Variants in CDC73 observed in about 807,000 individuals in gnomAD.
CDC73 encodes the protein cell division cycle 73.
A neutral mutation model predicts 83.7 loss-of-function variants in CDC73; 21 were observed. That is an observed-to-expected ratio of 0.25 (90% CI 0.18 to 0.36). CDC73 has a LOEUF of 0.36. Ranked by LOEUF, CDC73 falls within the 10% of genes least tolerant of loss-of-function variation. The pLI, the probability that CDC73 is intolerant of heterozygous loss-of-function variation, is 1.00. For synonymous variants in CDC73, 224 were observed against 212.9 expected (o/e 1.05, Z -0.45); for missense variants, 342 against 653.3 (o/e 0.52, Z 5.19).
intron 13 of CDC73, among the ~76,000 whole-genome samples, chr1:193,224,460 C>T (rs1332137441): frequency 1.3e-5 from 2 of 149,992 alleles, no homozygotes; most frequent in Middle Eastern, 3.6e-3. Flanking sequence ...TTCACATATG[C>T]ACATACGAAA....
At chr1:193,242,258 A>G (rs995836706) in intron 15 of CDC73, among the ~76,000 whole-genome samples, 18 of 152,286 alleles carry the variant, frequency 1.2e-4, no homozygotes, top group African/African-American at 4.3e-4. Context: ...GGACCCAAGC[A>G]TGAACCTCCT....
At chr1:193,207,135 G>T (rs1677201069) in intron 11 of CDC73, among the ~76,000 whole-genome samples, 1 of 152,144 alleles carries the variant, frequency 6.6e-6, no homozygotes, top group Non-Finnish European at 1.5e-5. Context: ...ATATTGGTAG[G>T]TCTGTGATGT....
chr1:193,238,691 A>G (rs1463605496), intron 15 of CDC73, among the ~76,000 whole-genome samples: 1 of 152,232 alleles, frequency 6.6e-6, no homozygotes, highest in African/African-American at 2.4e-5. Context: ...TAAACAGTCG[A>G]TTAACAAATA....
chr1:193,210,332 T>C (rs551331049), intron 11 of CDC73, among the ~76,000 whole-genome samples: 14 of 152,360 alleles, frequency 9.2e-5, no homozygotes, highest in African/African-American at 2.9e-4. Flanking sequence ...TGCTGTGTTA[T>C]TCACTTTAAA....
At chr1:193,126,791 A>T (rs1390693483) in intron 2 of CDC73, among the ~76,000 whole-genome samples, 3 of 152,184 alleles carry the variant, frequency 2.0e-5, no homozygotes, top group Non-Finnish European at 4.4e-5. Context: ...TTCTTAAAAC[A>T]ATTTTTTAAA....
At chr1:193,234,383 C>G (rs1391124504) in intron 14 of CDC73, among the ~76,000 whole-genome samples, 1 of 101,608 alleles carries the variant, frequency 9.8e-6, no homozygotes. Flanking sequence ...TTCTCTGGTA[C>G]CTAATAGATA....
intron 10 of CDC73, among the ~76,000 whole-genome samples, chr1:193,154,338 A>G (rs1025205324): frequency 3.9e-5 from 6 of 152,230 alleles, no homozygotes; most frequent in African/African-American, 1.4e-4. Context: ...TGCAAGTAGT[A>G]AAATCTGTGA....
intron 13 of CDC73, among the ~76,000 whole-genome samples, chr1:193,224,448 C>T (rs1677528311): frequency 6.6e-6 from 1 of 150,482 alleles, no homozygotes; most frequent in African/African-American, 2.5e-5. Context: ...ATGAAATATG[C>T]ATTCACATAT....
At chr1:193,172,116 G>C (rs1676526911) in intron 10 of CDC73, among the ~76,000 whole-genome samples, 1 of 151,870 alleles carries the variant, frequency 6.6e-6, no homozygotes, top group South Asian at 2.1e-4. Context: ...GTTTGGATGG[G>C]GTTTCACCGT....
chr1:193,125,807 T>C (rs958838567), intron 2 of CDC73, among the ~76,000 whole-genome samples: 2 of 151,910 alleles, frequency 1.3e-5, no homozygotes, highest in Non-Finnish European at 2.9e-5. Flanking sequence ...TTGGAATGGA[T>C]AGCTTCCCTC....
chr1:193,132,758 A>G (rs1331667477), intron 3 of CDC73, among the ~76,000 whole-genome samples: 2 of 152,046 alleles, frequency 1.3e-5, no homozygotes, highest in African/African-American at 4.8e-5. Context: ...TATAAGGTCT[A>G]AGATTCTCTA....
At chr1:193,212,504 A>G (rs1297274376) in intron 13 of CDC73, 27 bp downstream of exon 13, 1 of 1,287,316 alleles carries the variant, frequency 7.8e-7, no homozygotes, top group Non-Finnish European at 1.1e-6. Flanking sequence ...ACTATCCTGT[A>G]CGTAGGATAT....
At chr1:193,140,824 C>G (rs1675894180) in intron 6 of CDC73, among the ~76,000 whole-genome samples, 1 of 152,104 alleles carries the variant, frequency 6.6e-6, no homozygotes. Flanking sequence ...ATATTTTGGA[C>G]TGTGGTTGAT....
rs553620344 is a variant in CDC73 at position 193,251,805 on chromosome 1, C to T, written c.*1093C>T. 1.3e-5 allele frequency: 3 copies of T among 230,756 alleles called. 1 individual carries two copies. The highest frequency in any genetic ancestry group is 4.4e-5 in the African/African-American group (2 of 45,084). 14.3% of individuals were successfully genotyped at this position (230,756 alleles called of 1,614,324 possible). On this transcript the variant is annotated 3_prime_UTR_variant, in exon 17 of 17. Coordinates refer to ENST00000367435, the MANE Select transcript of CDC73 (RefSeq NM_024529.5). ...CAGACAAAATGTTGCATCCAAGGTA[C>T]ATCAAGTGACCATTTGCCTTGAACC...
chr1:193,137,365 T>C (rs1675820060), intron 5 of CDC73, among the ~76,000 whole-genome samples: 1 of 152,188 alleles, frequency 6.6e-6, no homozygotes, highest in Non-Finnish European at 1.5e-5. Flanking sequence ...TTTTATACAG[T>C]TTTGTATTTC....
At chr1:193,204,112 A>C (rs1426870944) in intron 11 of CDC73, among the ~76,000 whole-genome samples, 1 of 151,600 alleles carries the variant, frequency 6.6e-6, no homozygotes, top group Non-Finnish European at 1.5e-5. Flanking sequence ...AAGTGAAAGC[A>C]TAGTAAATTA....
intron 10 of CDC73, chr1:193,180,150 T>G: frequency 1.4e-6 from 1 of 713,874 alleles, no homozygotes. Context: ...AGAATTAACT[T>G]CTTCAGAAAT....
chr1:193,207,110 CA>C (rs1280068573), intron 11 of CDC73, among the ~76,000 whole-genome samples: 1 of 152,114 alleles, frequency 6.6e-6, no homozygotes, highest in African/African-American at 2.4e-5. Context: ...GCTGGGCCTC[CA>C]GGGGTAACAT....
At chr1:193,152,997 C>A (rs563927028) in intron 10 of CDC73, among the ~76,000 whole-genome samples, 1 of 152,084 alleles carries the variant, frequency 6.6e-6, no homozygotes, top group South Asian at 2.1e-4. Flanking sequence ...TCTGGATCTC[C>A]TGACCTCGTG....
Sources: allele counts gnomAD v4.1 joint callset (sites outside exome capture counted in the v4.1 genomes callset), GRCh38; gene constraint gnomAD v4.1.1; transcripts MANE v1.5; gene names NCBI Gene and HGNC (gene_info 2026-07-23, HGNC 2026-07-21).